PDGFRL: variants seen among roughly 807,000 people sequenced by gnomAD.
PDGFRL encodes the protein platelet-derived growth factor receptor-like protein.
Under a neutral mutation model 37.2 loss-of-function variants are expected in PDGFRL, and 46 were observed. That is an observed-to-expected ratio of 1.24 (90% CI 0.98 to 1.58). The LOEUF (loss-of-function observed/expected upper bound fraction) is 1.58. Among genes scored for constraint, PDGFRL ranks in the 40% most tolerant of loss-of-function variants. The pLI is 0.00. For synonymous variants in PDGFRL, 251 were observed against 184.3 expected (o/e 1.36, Z -2.93); for missense variants, 692 against 467.6 (o/e 1.48, Z -4.43).
At position 17,642,623 on chromosome 8, in the gene PDGFRL, C is replaced by A; in HGVS notation, c.950C>A (p.Pro317His). 4 of 1,606,700 alleles carry A rather than the reference C, an allele frequency of 2.5e-6. No individual in the cohort carries two copies. Among genetic ancestry groups the A allele is most frequent in the Non-Finnish European group, 3.4e-6 (4 of 1,173,282 alleles). The change falls in exon 6 of 6, where the codon CCT becomes CAT. Residue 317 changes from proline to histidine, a missense_variant. Physicochemically the swap from Pro to His is moderately conservative, Grantham distance 77. Transcript: ENST00000251630. ...GGTGTCGTTAAACAGGATGAAAGGC[C>A]TGTGACGATCCAAGACACTTGGAGG... ...WIFPGQKDER[P>H]VTIQDTWRLI...
In PDGFRL at chr8:17,577,219, G is replaced by T; in HGVS notation, c.-34G>T. The T allele has an allele frequency of 6.2e-7, 1 of 1,602,946 alleles. No homozygotes were observed. The highest frequency in any genetic ancestry group is 8.5e-7 in the Non-Finnish European group (1 of 1,175,060). ...TGCGTCCCCGCCCCGCGCAGCCGCC[G>T]CGCTCCTGCGCTCCGAGGTCCGAGG... On this transcript the variant is annotated 5_prime_UTR_variant, in exon 1 of 6. Coordinates refer to ENST00000251630, the MANE Select transcript of PDGFRL (RefSeq NM_001372073.1).
Position 17,634,077 on chromosome 8 carries a change from C to G in PDGFRL, c.803C>G (p.Pro268Arg). Residue 268 changes from proline (P) to arginine (R), a missense_variant, in exon 5 of 6, where the codon CCC becomes CGC. Physicochemically the swap from Pro to Arg is moderately radical, Grantham distance 103 (BLOSUM62 -2). Transcript: ENST00000251630. ...CCTGTTTCGTGCTTGCTTCCAGTTC[C>G]CAGTGGCCCTCCCTCAACAACCATC... ...VKYQLLYVAV[P>R]SGPPSTTILA... 1 of 1,614,076 alleles carries G rather than the reference C, an allele frequency of 6.2e-7. No individual in the cohort carries two copies.
chr8:17,595,914 C>G (rs1339626204), intron 2 of PDGFRL, among the ~76,000 whole-genome samples: 4 of 152,224 alleles, frequency 2.6e-5, no homozygotes, highest in African/African-American at 7.2e-5. Context: ...GGTAGTCAAC[C>G]CAAGGTGAAC....
intron 3 of PDGFRL, among the ~76,000 whole-genome samples, chr8:17,627,989 C>CTTT (rs35707610): frequency 3.4e-3 from 302 of 89,182 alleles, no homozygotes; most frequent in Middle Eastern, 8.8e-3. Flanking sequence ...TTCTTTCTTT[C>CTTT]TTTTTTTTTT....
intron 4 of PDGFRL, among the ~76,000 whole-genome samples, chr8:17,631,970 C>G (rs925287981): frequency 1.3e-5 from 2 of 152,186 alleles, no homozygotes; most frequent in African/African-American, 4.8e-5. Context: ...CTAGGAGCAT[C>G]AGGTCCACGT....
intron 2 of PDGFRL, among the ~76,000 whole-genome samples, chr8:17,606,484 C>A (rs984909776): frequency 2.0e-5 from 3 of 152,194 alleles, no homozygotes; most frequent in Non-Finnish European, 4.4e-5. Flanking sequence ...TACTTGCCTT[C>A]AAATGGTCTT....
At chr8:17,594,117 G>A (rs984320667) in intron 2 of PDGFRL, among the ~76,000 whole-genome samples, 3 of 141,522 alleles carry the variant, frequency 2.1e-5, no homozygotes, top group Non-Finnish European at 3.2e-5. Flanking sequence ...AACATGCAGC[G>A]TATTTGTTTT....
At chr8:17,577,094 A>AAAAAAAAAAAC (rs1803599990), upstream of PDGFRL, 1 of 941,006 alleles carries the variant, frequency 1.1e-6, no homozygotes, top group Non-Finnish European at 1.5e-6. Flanking sequence ...AAAAAAAAAA[A>AAAAAAAAAAAC]AATTCCCCAA....
chr8:17,617,691 C>T lies in PDGFRL; in HGVS notation c.354-3360C>T, dbSNP rs181499095. Among the ~76,000 whole-genome samples, 924 of 152,318 alleles carry T rather than the reference C, an allele frequency of 6.1e-3. 4 individuals carry two copies. The highest frequency in any genetic ancestry group is 0.01 in the Middle Eastern group (3 of 294). ...GGGTGGAAAAATGCAGAACTGTTTTCCAGTGCGTTTCCTTCCTTCCGCCCC... is the reference window on the plus strand; with the variant it reads ...GGGTGGAAAAATGCAGAACTGTTTTTCAGTGCGTTTCCTTCCTTCCGCCCC... On this transcript the variant is annotated intron_variant, in intron 2 of 5. Transcript: ENST00000251630.
chr8:17,625,791 C>G (rs1355984925), intron 3 of PDGFRL, among the ~76,000 whole-genome samples: 3 of 152,120 alleles, frequency 2.0e-5, no homozygotes, highest in Admixed American at 6.6e-5. Context: ...GAGTTTGAGA[C>G]CAGCCTGGGC....
intron 2 of PDGFRL, among the ~76,000 whole-genome samples, chr8:17,598,827 C>G (rs114140749): frequency 1.3e-5 from 2 of 152,118 alleles, no homozygotes; most frequent in Non-Finnish European, 2.9e-5. Context: ...ATACGTCTCA[C>G]GAGATCACAT....
At chr8:17,601,121 C>G (rs180974047) in intron 2 of PDGFRL, among the ~76,000 whole-genome samples, 3 of 152,234 alleles carry the variant, frequency 2.0e-5, no homozygotes, top group Non-Finnish European at 2.9e-5. Context: ...AAACCACTTT[C>G]GTTATTCACT....
intron 2 of PDGFRL, among the ~76,000 whole-genome samples, chr8:17,616,679 G>A (rs1409669919): frequency 6.6e-6 from 1 of 152,110 alleles, no homozygotes; most frequent in East Asian, 1.9e-4. Flanking sequence ...TTGGCCTAGA[G>A]GCTCTTGCTG....
At chr8:17,635,435 C>A (rs558598376) in intron 5 of PDGFRL, among the ~76,000 whole-genome samples, 1 of 152,298 alleles carries the variant, frequency 6.6e-6, no homozygotes, top group South Asian at 2.1e-4. Flanking sequence ...TGGTCTCCAT[C>A]CAGGTTGCTG....
At chr8:17,628,875 A>G in intron 4 of PDGFRL, 95 bp downstream of exon 4, 4 of 772,602 alleles carry the variant, frequency 5.2e-6, no homozygotes, top group Non-Finnish European at 8.6e-6. Flanking sequence ...AGGAAGCTCC[A>G]TGAGTGCCTT....
intron 2 of PDGFRL, among the ~76,000 whole-genome samples, chr8:17,599,126 TTCTC>T (rs999189561): frequency 1.3e-5 from 2 of 152,138 alleles, no homozygotes; most frequent in African/African-American, 2.4e-5. Context: ...ATGTCTTTAC[TTCTC>T]TCTCTCTTTT....
intron 3 of PDGFRL, among the ~76,000 whole-genome samples, chr8:17,621,583 T>A (rs1237476366): frequency 6.6e-6 from 1 of 152,100 alleles, no homozygotes. Flanking sequence ...TAAATGAAAA[T>A]TAAAATGAAA....
chr8:17,594,763 G>A (rs961072526), intron 2 of PDGFRL, among the ~76,000 whole-genome samples: 28 of 151,850 alleles, frequency 1.8e-4, no homozygotes, highest in African/African-American at 6.5e-4. Flanking sequence ...CCGTGGTCTC[G>A]ATCTCCTGAC....
chr8:17,632,643 T>A (rs1191603682), intron 4 of PDGFRL, among the ~76,000 whole-genome samples: 1 of 152,202 alleles, frequency 6.6e-6, no homozygotes, highest in Non-Finnish European at 1.5e-5. Flanking sequence ...GTTCCCTGAT[T>A]TTAATTAAAC....
Sources: allele counts gnomAD v4.1 joint callset (sites outside exome capture counted in the v4.1 genomes callset), GRCh38; gene constraint gnomAD v4.1.1; transcripts MANE v1.5; gene names NCBI Gene and HGNC (gene_info 2026-07-23, HGNC 2026-07-21).